Variants in DCP1A observed in about 807,000 individuals in gnomAD.
DCP1A encodes the protein mRNA-decapping enzyme 1A.
Under a neutral mutation model 58.0 loss-of-function variants are expected in DCP1A, and 20 were observed. The ratio of observed to expected loss-of-function variants is 0.34; its 90% CI spans 0.24 to 0.50. DCP1A has a LOEUF of 0.50. Ranked by LOEUF, DCP1A falls within the 20% of genes least tolerant of loss-of-function variation. The pLI is 0.98. For synonymous variants in DCP1A, 285 were observed against 275.1 expected, an observed-to-expected ratio of 1.04 and a Z score of -0.36; for missense variants, 613 against 712.2, an observed-to-expected ratio of 0.86 and a Z score of 1.59.
intron 1 of DCP1A, among the ~76,000 whole-genome samples, chr3:53,346,721 T>A (rs911120548): frequency 6.6e-6 from 1 of 152,136 alleles, no homozygotes; most frequent in Admixed American, 6.5e-5. Flanking sequence ...ATCACCAGCA[T>A]CATAGATGGA....
intron 4 of DCP1A, among the ~76,000 whole-genome samples, chr3:53,313,697 G>A (rs1707716223): frequency 6.6e-6 from 1 of 151,660 alleles, no homozygotes; most frequent in African/African-American, 2.4e-5. Context: ...GCTGAGGCAG[G>A]ACGATCACTT....
intron 5 of DCP1A, among the ~76,000 whole-genome samples, chr3:53,310,456 T>C (rs566215357): frequency 1.3e-5 from 2 of 152,346 alleles, no homozygotes; most frequent in East Asian, 3.9e-4. Flanking sequence ...GCACCTACAG[T>C]TTCTGTCCCG....
intron 5 of DCP1A, among the ~76,000 whole-genome samples, chr3:53,310,292 T>C (rs62256964): frequency 1.3e-5 from 2 of 152,164 alleles, no homozygotes; most frequent in South Asian, 2.1e-4. Context: ...TTCAAAATAA[T>C]GTCAGATGTT....
At chr3:53,341,937 A>G (rs781981400) in intron 3 of DCP1A, among the ~76,000 whole-genome samples, 48 of 152,260 alleles carry the variant, frequency 3.2e-4, no homozygotes, top group Middle Eastern at 3.4e-3. Flanking sequence ...TCGGCCTCCC[A>G]AAGTGCTGGG....
At position 53,288,222 on chromosome 3, in the gene DCP1A, G is replaced by A; in HGVS notation, c.1511C>T (p.Pro504Leu). The A allele has an allele frequency of 1.2e-6, 2 of 1,613,876 alleles. No individual in the cohort carries two copies. Among genetic ancestry groups the A allele is most frequent in the Non-Finnish European group, 1.7e-6 (2 of 1,179,850 alleles). Reference protein sequence around the residue: ...TTAVSSVLLAPSVFQQTVTRS... With the variant: ...TTAVSSVLLALSVFQQTVTRS... The stretch of plus-strand genomic sequence containing the variant: ...TGTAACTGTCTGCTGGAAAACACTT[G>A]GGGCCAGCAGGACTGAAGACACTGC... Residue 504 changes from proline to leucine, a missense_variant, in exon 9 of 10, where the codon CCA (proline) becomes CTA (leucine). Coordinates refer to ENST00000610213, the MANE Select transcript of DCP1A (RefSeq NM_018403.7).
rs1228826570 is a variant in DCP1A, at chr3:53,341,995, G to A, written c.304+149C>T. 4 of 696,408 alleles carry A rather than the reference G, an allele frequency of 5.7e-6. No individual in the cohort carries two copies. The African/African-American group carries it at 7.3e-5, about 13-fold the overall frequency. The allele number at this position is 696,408 out of a possible 1,614,324, so 43.1% of individuals were successfully genotyped here. A position where few individuals can be genotyped will look rare whatever the true frequency, so the allele number is the denominator to read the frequency against. Reference sequence around the variant, plus strand: ...TCTGGCCTCAGAGCCCAGTTTAAAAGGTTTGATCTTTCCAACAGACTCATT... The same window carrying A: ...TCTGGCCTCAGAGCCCAGTTTAAAAAGTTTGATCTTTCCAACAGACTCATT... On this transcript the variant is annotated intron_variant, in intron 3 of 9. Coordinates refer to ENST00000610213, the MANE Select transcript of DCP1A (RefSeq NM_018403.7).
chr3:53,337,026 T>C (rs1258711666), intron 3 of DCP1A, among the ~76,000 whole-genome samples: 2 of 151,928 alleles, frequency 1.3e-5, no homozygotes, highest in Admixed American at 1.3e-4. Context: ...TGCACCACCA[T>C]GTCCGGCTAA....
intron 6 of DCP1A, among the ~76,000 whole-genome samples, chr3:53,293,687 CAT>C (rs1446365267): frequency 6.6e-6 from 1 of 152,192 alleles, no homozygotes; most frequent in African/African-American, 2.4e-5. Context: ...CACTGAAACA[CAT>C]GATTCTCAAG....
At chr3:53,289,176 G>T (rs991085581) in intron 8 of DCP1A, among the ~76,000 whole-genome samples, 2 of 151,186 alleles carry the variant, frequency 1.3e-5, no homozygotes, top group Non-Finnish European at 3.0e-5. Context: ...GCCCAGGATG[G>T]TCTTGAACTC....
rs782402360 is a variant in DCP1A, at chr3:53,288,053, T to C, written c.1668+12A>G. The C allele has an allele frequency of 6.3e-7, 1 of 1,585,350 alleles. No individual in the cohort carries two copies. Among genetic ancestry groups the C allele is most frequent in the Admixed American group, 1.7e-5 (1 of 57,254 alleles). ...AATGAAAAATCAAAGATAAAATTGG[T>C]ATCCTACATACCTTTATTAGATGTA... On this transcript the variant is annotated intron_variant, in intron 9 of 9. Transcript: ENST00000610213.
intron 3 of DCP1A, among the ~76,000 whole-genome samples, chr3:53,334,500 T>C (rs2089076497): frequency 1.3e-5 from 2 of 152,236 alleles, no homozygotes; most frequent in African/African-American, 2.4e-5. Flanking sequence ...ATCCTATTTA[T>C]GTTCTGCGGT....
At chr3:53,300,176 C>G (rs1466102339) in intron 6 of DCP1A, among the ~76,000 whole-genome samples, 1 of 151,886 alleles carries the variant, frequency 6.6e-6, no homozygotes, top group East Asian at 1.9e-4. Flanking sequence ...CCCGACCAAA[C>G]GTGAAGTTTT....
chr3:53,334,146 C>T (rs2089069139), intron 3 of DCP1A, among the ~76,000 whole-genome samples: 1 of 152,004 alleles, frequency 6.6e-6, no homozygotes, highest in Non-Finnish European at 1.5e-5. Flanking sequence ...CACTTGTGGT[C>T]CCAGCTACTT....
At chr3:53,342,719 G>GAACTAACT (rs2089228891) in intron 2 of DCP1A, among the ~76,000 whole-genome samples, 1 of 152,126 alleles carries the variant, frequency 6.6e-6, no homozygotes, top group Admixed American at 6.5e-5. Context: ...AGGCCTACTT[G>GAACTAACT]AACTATCCTT....
At chr3:53,330,030 A>C in intron 3 of DCP1A, among the ~76,000 whole-genome samples, 1 of 152,226 alleles carries the variant, frequency 6.6e-6, no homozygotes. Flanking sequence ...ACTGCTGCTG[A>C]AAATGACCAA....
Position 53,334,255 on chromosome 3 carries a change from G to A in DCP1A, c.304+7889C>T, listed in dbSNP as rs373813248. On this transcript the variant is annotated intron_variant, in intron 3 of 9. Transcript: ENST00000610213. ...CACTCCAGCCTGGGTGTCACAGCGA[G>A]ACCTGTCTCTAAAAAATAAATAAAT... is the stretch of plus-strand genomic sequence containing the variant. Among the ~76,000 whole-genome samples the A allele has an allele frequency of 1.4e-4, 21 of 152,178 alleles. 1 individual carries two copies. In the East Asian group the frequency reaches 2.1e-3, roughly 15 times the overall value.
intron 3 of DCP1A, 75 bp downstream of exon 3, chr3:53,342,069 C>T: frequency 4.6e-6 from 6 of 1,315,170 alleles, no homozygotes; most frequent in Non-Finnish European, 6.3e-6. Flanking sequence ...TTGAAACTTC[C>T]TAAATAATGG....
In DCP1A at chr3:53,292,056, C is replaced by A; in HGVS notation, c.1383+13G>T. 6.2e-7 allele frequency: 1 copy of A among 1,600,086 alleles called. No homozygotes were observed. On this transcript the variant is annotated intron_variant, in intron 7 of 9. Transcript: ENST00000610213. ...GTTACCCACTCTGCCCACCCCCACC[C>A]TCCTGCCATTACCTGAAGGGGAGCA... is the stretch of plus-strand genomic sequence containing the variant.
chr3:53,337,920 G>C (rs1553692105), intron 3 of DCP1A, among the ~76,000 whole-genome samples: 1 of 152,216 alleles, frequency 6.6e-6, no homozygotes, highest in African/African-American at 2.4e-5. Context: ...TACTATATGG[G>C]ACAGTGCTGA....
Sources: gnomAD v4.1 joint callset for allele counts (sites outside exome capture counted in the v4.1 genomes callset) on GRCh38, gnomAD v4.1.1 for gene constraint, MANE v1.5 for transcripts, NCBI Gene and HGNC (gene_info 2026-07-23, HGNC 2026-07-21) for gene names.